PRR14L: variants seen among roughly 807,000 people sequenced by gnomAD.
The protein encoded by PRR14L is protein PRR14L.
In PRR14L, 80 loss-of-function variants were observed where a neutral mutation model predicts 155.0. The observed-to-expected ratio is 0.52, with a 90% confidence interval of 0.43 to 0.62. The LOEUF is 0.62. PRR14L is among the 20% of genes least tolerant of loss of function. The probability of loss-of-function intolerance (pLI) is 0.00; values close to 1 mark genes in which losing one functional copy is unlikely to be tolerated. For synonymous variants in PRR14L, 883 were observed against 916.0 expected, an observed-to-expected ratio of 0.96 and a Z score of 0.65; for missense variants, 2,469 against 2,548.0, an observed-to-expected ratio of 0.97 and a Z score of 0.67.
intron 1 of PRR14L, among the ~76,000 whole-genome samples, chr22:31,747,203 C>T (rs1215158009): frequency 2.0e-5 from 3 of 151,412 alleles, no homozygotes; most frequent in African/African-American, 7.3e-5. Flanking sequence ...CTCTGCCTCC[C>T]AGGTTCAAGC....
At chr22:31,744,367 A>G (rs974239684) in intron 1 of PRR14L, among the ~76,000 whole-genome samples, 4 of 152,178 alleles carry the variant, frequency 2.6e-5, no homozygotes, top group African/African-American at 9.7e-5. Context: ...TCCCAACCTC[A>G]GGTGATCAGT....
At chr22:31,696,482 G>A (rs1478800916) in intron 7 of PRR14L, among the ~76,000 whole-genome samples, 3 of 151,810 alleles carry the variant, frequency 2.0e-5, no homozygotes, top group African/African-American at 7.3e-5. Context: ...CATGTTGCCC[G>A]GGCTACTCTT....
intron 7 of PRR14L, among the ~76,000 whole-genome samples, chr22:31,698,683 G>A (rs898245427): frequency 8.6e-5 from 13 of 152,012 alleles, no homozygotes; most frequent in African/African-American, 3.1e-4. Context: ...CACTTTGGGA[G>A]GCCGAGGTGG....
intron 2 of PRR14L, among the ~76,000 whole-genome samples, chr22:31,733,869 C>A (rs1259653555): frequency 6.6e-6 from 1 of 151,944 alleles, no homozygotes; most frequent in Non-Finnish European, 1.5e-5. Context: ...TCTAATTACA[C>A]GAGGCTGACC....
At chr22:31,720,624 A>G (rs1344919137) in intron 3 of PRR14L, among the ~76,000 whole-genome samples, 1 of 152,212 alleles carries the variant, frequency 6.6e-6, no homozygotes, top group Non-Finnish European at 1.5e-5. Context: ...AATCCCAGCT[A>G]CTTGGGAAGC....
chr22:31,685,355 A>G lies in PRR14L; in HGVS notation c.*172T>C. ...GACCCTCCTTCACCAGTTTCTAAAAAGGTTGCACCTTGAAATAGGTAAAAA... is the reference window on the plus strand; with the variant it reads ...GACCCTCCTTCACCAGTTTCTAAAAGGGTTGCACCTTGAAATAGGTAAAAA... On this transcript the variant is annotated 3_prime_UTR_variant, in exon 9 of 9. Coordinates refer to ENST00000327423, the MANE Select transcript of PRR14L (RefSeq NM_173566.3). 1 of 600,236 alleles carries G rather than the reference A, an allele frequency of 1.7e-6. No homozygotes were observed. The highest frequency in any genetic ancestry group is 2.9e-6 in the Non-Finnish European group (1 of 344,680). 37.2% of individuals were successfully genotyped at this position (600,236 alleles called of 1,614,324 possible).
Position 31,714,386 on chromosome 22 carries a change from A to G in PRR14L, c.3453T>C (p.Ser1151=). The change falls in exon 4 of 9, where the codon TCT becomes TCC. Residue 1151 remains serine (S), a synonymous_variant. Coordinates refer to ENST00000327423, the MANE Select transcript of PRR14L (RefSeq NM_173566.3). The part of the protein sequence containing the change: ...KDCEMEKCPD[S]CAHEMESVAD... Reference sequence around the variant, plus strand: ...CAACAGACTCCATCTCATGGGCACAAGAGTCTGGACACTTTTCCATTTCAC... The same window carrying G: ...CAACAGACTCCATCTCATGGGCACAGGAGTCTGGACACTTTTCCATTTCAC... 2 of 1,551,754 alleles carry G rather than the reference A, an allele frequency of 1.3e-6. No individual in the cohort carries two copies. Among genetic ancestry groups the G allele is most frequent in the Non-Finnish European group, 1.7e-6 (2 of 1,146,998 alleles).
At chr22:31,734,419 T>C (rs2074767537) in intron 2 of PRR14L, among the ~76,000 whole-genome samples, 2 of 152,244 alleles carry the variant, frequency 1.3e-5, no homozygotes, top group African/African-American at 2.4e-5. Context: ...GTGGGATATT[T>C]TGTCAATATA....
rs1247659309 is a variant in PRR14L, at chr22:31,749,565, A to T, written c.-52+428T>A. On this transcript the variant is annotated intron_variant, in intron 1 of 8. Coordinates refer to ENST00000327423, the MANE Select transcript of PRR14L (RefSeq NM_173566.3). ...TGACCAAAGTTGGGGGAAAGGTCTC[A>T]TTTAGGGGTTATCTTTTACTCCTCC... is the stretch of plus-strand genomic sequence containing the variant. Among the ~76,000 whole-genome samples, 10 of 152,270 alleles carry T rather than the reference A, an allele frequency of 6.6e-5. No homozygotes were observed. The South Asian group carries it at 2.1e-3, about 32-fold the overall frequency.
chr22:31,697,284 A>C (rs1467413777), intron 7 of PRR14L, among the ~76,000 whole-genome samples: 1 of 147,784 alleles, frequency 6.8e-6, no homozygotes, highest in Non-Finnish European at 1.5e-5. Context: ...CCTGGGTGGC[A>C]CAGTGATACT....
rs1170285977 is a variant in PRR14L, at chr22:31,688,895, T to TACACACAC, written c.6108-669_6108-668insGTGTGTGT. On this transcript the variant is annotated intron_variant, in intron 7 of 8. Transcript: ENST00000327423. The stretch of plus-strand genomic sequence containing the variant: ...CAAAGACCCTGTCTCTTAAAAAATA[T>TACACACAC]ATACATACACACACACACACACACA... Among the ~76,000 whole-genome samples, 228 of 136,280 alleles carry TACACACAC rather than the reference T, an allele frequency of 1.7e-3. 1 individual carries two copies. Among genetic ancestry groups the TACACACAC allele is most frequent in the African/African-American group, 6.7e-3 (222 of 33,370 alleles). The allele number at this position is 136,280 out of a possible 152,430, so 89.4% of individuals were successfully genotyped here.
chr22:31,720,665 G>A (rs779747070), intron 3 of PRR14L, among the ~76,000 whole-genome samples: 2 of 152,224 alleles, frequency 1.3e-5, no homozygotes, highest in African/African-American at 4.8e-5. Flanking sequence ...AGCCCCGGAA[G>A]CGAAGGTTGC....
At chr22:31,687,770 G>A (rs12157427) in intron 8 of PRR14L, among the ~76,000 whole-genome samples, 11,410 of 151,334 alleles carry the variant, frequency 0.075, 485 homozygotes, top group Admixed American at 0.14. Context: ...TTGGCCGGGC[G>A]CGGTGGCTCA....
chr22:31,710,987 T>C (rs1322191577), intron 4 of PRR14L, among the ~76,000 whole-genome samples: 1 of 152,238 alleles, frequency 6.6e-6, no homozygotes, highest in African/African-American at 2.4e-5. Context: ...TCATAAACCA[T>C]ATCTGGTGAT....
intron 7 of PRR14L, among the ~76,000 whole-genome samples, chr22:31,691,562 C>A (rs189405845): frequency 1.3e-5 from 2 of 152,178 alleles, no homozygotes; most frequent in Non-Finnish European, 2.9e-5. Flanking sequence ...CTACTTTTAG[C>A]AGTCACCTGG....
At chr22:31,732,631 T>C (rs1330293210) in intron 2 of PRR14L, among the ~76,000 whole-genome samples, 2 of 152,248 alleles carry the variant, frequency 1.3e-5, no homozygotes, top group East Asian at 1.9e-4. Context: ...GGATTTCCTC[T>C]GGACTTTGGT....
intron 1 of PRR14L, among the ~76,000 whole-genome samples, chr22:31,741,819 C>T (rs2074814688): frequency 6.6e-6 from 1 of 152,168 alleles, no homozygotes; most frequent in South Asian, 2.1e-4. Context: ...TTGCAGTGAG[C>T]CAAGATCACG....
chr22:31,738,817 G>C lies in PRR14L; in HGVS notation c.44C>G (p.Ser15Cys). The C allele has an allele frequency of 6.5e-7, 1 of 1,547,792 alleles. No homozygotes were observed. Among genetic ancestry groups the C allele is most frequent in the African/African-American group, 1.4e-5 (1 of 73,142 alleles). ...GVETQPVPLDSSMSAVVQELY... is the reference protein window; with the variant it reads ...GVETQPVPLDCSMSAVVQELY... ...TTCCTGTACCACGGCAGACATGGAG[G>C]AATCAAGTGGAACTGGCTGAGTCTC... Residue 15 changes from serine (S) to cysteine (C), a missense_variant, in exon 2 of 9, where the codon TCC (serine) becomes TGC (cysteine). Coordinates refer to ENST00000327423, the MANE Select transcript of PRR14L (RefSeq NM_173566.3).
In PRR14L at chr22:31,714,582, A is replaced by C; in HGVS notation, c.3257T>G (p.Leu1086Arg). The change falls in exon 4 of 9, where the codon CTG (leucine) becomes CGG (arginine). Residue 1086 changes from leucine to arginine, a missense_variant. Coordinates refer to ENST00000327423, the MANE Select transcript of PRR14L (RefSeq NM_173566.3). ...ACTCCTGGAGTCCTCTTGAAATGCC[A>C]GTTTCTCTTGCCTTGCACCACAATC... ...LLDCGARQEK[L>R]AFQEDSRSTL... The C allele has an allele frequency of 6.4e-7, 1 of 1,551,896 alleles. No homozygotes were observed. The highest frequency in any genetic ancestry group is 8.7e-7 in the Non-Finnish European group (1 of 1,147,036).
Sources: allele counts gnomAD v4.1 joint callset (sites outside exome capture counted in the v4.1 genomes callset), GRCh38; gene constraint gnomAD v4.1.1; transcripts MANE v1.5; gene names NCBI Gene and HGNC (gene_info 2026-07-23, HGNC 2026-07-21).